The following CSMD1 variants were observed in gnomAD, a reference collection of about 807,000 sequenced individuals.
The protein encoded by CSMD1 is CUB and Sushi multiple domains 1.
Under a neutral mutation model 417.5 loss-of-function variants are expected in CSMD1, and 213 were observed. The ratio of observed to expected loss-of-function variants is 0.51; its 90% CI spans 0.46 to 0.57. The LOEUF (loss-of-function observed/expected upper bound fraction) is 0.57. Among genes scored for constraint, CSMD1 ranks in the 20% least tolerant of loss-of-function variants. The probability of loss-of-function intolerance (pLI) is 0.00; values close to 1 mark genes in which losing one functional copy is unlikely to be tolerated. For synonymous variants in CSMD1, 2,862 were observed against 1,736.8 expected, an observed-to-expected ratio of 1.65 and a Z score of -16.11; for missense variants, 6,923 against 4,529.7, an observed-to-expected ratio of 1.53 and a Z score of -15.17.
intron 3 of CSMD1, among the ~76,000 whole-genome samples, chr8:4,373,935 G>C (rs956284676): frequency 1.3e-5 from 2 of 152,160 alleles, no homozygotes; most frequent in Non-Finnish European, 2.9e-5. Flanking sequence ...TCTATACCTA[G>C]AAGACTTTAG....
chr8:3,548,997 G>A (rs1160131910), intron 10 of CSMD1, among the ~76,000 whole-genome samples: 2 of 152,008 alleles, frequency 1.3e-5, no homozygotes, highest in African/African-American at 2.4e-5. Flanking sequence ...ATATACCTGG[G>A]TTTCCTCACC....
intron 26 of CSMD1, among the ~76,000 whole-genome samples, chr8:3,268,289 A>ATTTTTTTTTT (rs1163842745): frequency 1.2e-5 from 1 of 84,272 alleles, no homozygotes; most frequent in African/African-American, 4.4e-5. Flanking sequence ...TTCATTTCCT[A>ATTTTTTTTTT]TTTTTTTTTT....
At chr8:4,388,303 T>G (rs1411376942) in intron 3 of CSMD1, among the ~76,000 whole-genome samples, 1 of 117,136 alleles carries the variant, frequency 8.5e-6, no homozygotes, top group Non-Finnish European at 1.7e-5. Context: ...GAAACTGTGA[T>G]ACACACACAC....
intron 2 of CSMD1, among the ~76,000 whole-genome samples, chr8:4,527,539 G>A (rs899768796): frequency 6.6e-5 from 10 of 152,258 alleles, no homozygotes; most frequent in Admixed American, 2.0e-4. Context: ...ATCCGTACCA[G>A]CAGGTGTTTG....
intron 28 of CSMD1, among the ~76,000 whole-genome samples, chr8:3,220,394 G>C (rs1358094318): frequency 6.6e-6 from 1 of 152,154 alleles, no homozygotes; most frequent in Non-Finnish European, 1.5e-5. Flanking sequence ...TCAAGGGCTG[G>C]GCTGTGTTTG....
intron 3 of CSMD1, among the ~76,000 whole-genome samples, chr8:4,075,308 A>G (rs914330361): frequency 6.6e-6 from 1 of 152,220 alleles, no homozygotes; most frequent in African/African-American, 2.4e-5. Flanking sequence ...TGTAAATAAA[A>G]ACATAAATAC....
intron 1 of CSMD1, among the ~76,000 whole-genome samples, chr8:4,775,401 T>A (rs1368431057): frequency 6.6e-6 from 1 of 152,078 alleles, no homozygotes; most frequent in Non-Finnish European, 1.5e-5. Flanking sequence ...GTTTATAAAC[T>A]TCCATGAAGT....
intron 3 of CSMD1, among the ~76,000 whole-genome samples, chr8:4,132,116 C>T (rs975131681): frequency 1.3e-5 from 2 of 151,388 alleles, no homozygotes; most frequent in Admixed American, 6.6e-5. Context: ...TCCCCAAAGT[C>T]TGTCTTGACA....
chr8:3,504,030 C>G (rs1244608833), intron 10 of CSMD1, among the ~76,000 whole-genome samples: 1 of 152,126 alleles, frequency 6.6e-6, no homozygotes, highest in Non-Finnish European at 1.5e-5. Context: ...TTCGACAGCA[C>G]TGCAGGGTGA....
intron 33 of CSMD1, among the ~76,000 whole-genome samples, chr8:3,190,594 A>G (rs1176323450): frequency 5.9e-5 from 9 of 152,194 alleles, no homozygotes; most frequent in Admixed American, 5.9e-4. Flanking sequence ...GATGTAATAA[A>G]AATCTTAAAC....
At chr8:3,715,555 C>G (rs1215040586) in intron 6 of CSMD1, among the ~76,000 whole-genome samples, 1 of 151,990 alleles carries the variant, frequency 6.6e-6, no homozygotes, top group Non-Finnish European at 1.5e-5. Flanking sequence ...TTAGTTTTAG[C>G]TTTTTGAGAC....
chr8:3,411,568 T>C (rs990887950), intron 12 of CSMD1, among the ~76,000 whole-genome samples: 5 of 151,506 alleles, frequency 3.3e-5, no homozygotes, highest in Non-Finnish European at 7.4e-5. Context: ...CCTGGGTTAC[T>C]TCACTTAGAA....
At chr8:3,420,024 T>G (rs1376750262) in intron 12 of CSMD1, among the ~76,000 whole-genome samples, 1 of 152,174 alleles carries the variant, frequency 6.6e-6, no homozygotes. Context: ...GAGAAGCCAA[T>G]GCACAGTGCC....
Position 3,892,015 on chromosome 8 carries a change from T to C in CSMD1, c.818+105888A>G, listed in dbSNP as rs139116210. 1.1e-4 allele frequency among the ~76,000 whole-genome samples: 12 copies of C among 107,560 alleles called. No homozygotes were observed. The East Asian group carries it at 1.5e-3, about 13-fold the overall frequency. 70.6% of individuals were successfully genotyped at this position (107,560 alleles called of 152,430 possible). A position where few individuals can be genotyped will look rare whatever the true frequency, so the allele number is the denominator to read the frequency against. ...GCACACGATACTATCACCAACATGA[T>C]AGTCGCAAACAAAAAAAAAAAAAAT... On this transcript the variant is annotated intron_variant, in intron 5 of 69. Coordinates refer to ENST00000635120, the MANE Select transcript of CSMD1 (RefSeq NM_033225.6).
chr8:3,522,694 C>T (rs953838755), intron 10 of CSMD1, among the ~76,000 whole-genome samples: 3 of 151,880 alleles, frequency 2.0e-5, no homozygotes, highest in Non-Finnish European at 4.4e-5. Flanking sequence ...TCAGTCGTCC[C>T]GGTACATTCA....
intron 23 of CSMD1, among the ~76,000 whole-genome samples, chr8:3,335,946 C>T (rs76361616): frequency 0.011 from 1,607 of 152,274 alleles, 36 homozygotes; most frequent in African/African-American, 0.037. Context: ...CCTTCCTACC[C>T]AGCGCTTGTA....
At chr8:4,408,067 A>T (rs536986388) in intron 3 of CSMD1, among the ~76,000 whole-genome samples, 4 of 152,248 alleles carry the variant, frequency 2.6e-5, no homozygotes, top group Admixed American at 2.6e-4. Context: ...CCATTCCATT[A>T]TTCTAATATT....
At chr8:4,867,632 T>C (rs1274940096) in intron 1 of CSMD1, among the ~76,000 whole-genome samples, 2 of 152,046 alleles carry the variant, frequency 1.3e-5, no homozygotes, top group African/African-American at 4.8e-5. Flanking sequence ...CTTTATTATG[T>C]CGCAATGCCA....
intron 5 of CSMD1, among the ~76,000 whole-genome samples, chr8:3,947,729 A>T (rs1478724752): frequency 6.6e-6 from 1 of 152,168 alleles, no homozygotes; most frequent in African/African-American, 2.4e-5. Flanking sequence ...TTTTAACGGC[A>T]CAGAATATAG....
Sources: gnomAD v4.1 joint callset for allele counts (sites outside exome capture counted in the v4.1 genomes callset) on GRCh38, gnomAD v4.1.1 for gene constraint, MANE v1.5 for transcripts, NCBI Gene and HGNC (gene_info 2026-07-23, HGNC 2026-07-21) for gene names.